Variants in PCGF5 observed in about 807,000 individuals in gnomAD.
PCGF5 encodes polycomb group ring finger 5.
Under a neutral mutation model 44.3 loss-of-function variants are expected in PCGF5, and 9 were observed. The ratio of observed to expected loss-of-function variants is 0.20; its 90% CI spans 0.12 to 0.35. The LOEUF (loss-of-function observed/expected upper bound fraction) is 0.35. Ranked by LOEUF, PCGF5 falls within the 10% of genes least tolerant of loss-of-function variation. The pLI, the probability that PCGF5 is intolerant of heterozygous loss-of-function variation, is 1.00. For synonymous variants in PCGF5, 95 were observed against 102.5 expected (o/e 0.93, Z 0.44); for missense variants, 146 against 305.3 (o/e 0.48, Z 3.89).
upstream of PCGF5, among the ~76,000 whole-genome samples, chr10:91,161,127 A>T (rs2133145478): frequency 6.6e-6 from 1 of 152,280 alleles, no homozygotes; most frequent in East Asian, 1.9e-4. Flanking sequence ...TCCAACTCCT[A>T]TTGGACAAGC....
intron 1 of PCGF5, among the ~76,000 whole-genome samples, chr10:91,189,342 G>GTGCCTA: frequency 6.6e-6 from 1 of 152,164 alleles, no homozygotes; most frequent in South Asian, 2.1e-4. Flanking sequence ...CCACTAGACA[G>GTGCCTA]TGCACTCAGC....
At chr10:91,244,931 T>C (rs538409919) in intron 3 of PCGF5, among the ~76,000 whole-genome samples, 1 of 152,072 alleles carries the variant, frequency 6.6e-6, no homozygotes, top group East Asian at 1.9e-4. Context: ...GAGAGGAAGG[T>C]AAGTGGATAT....
At chr10:91,215,512 C>T (rs1166305463), upstream of PCGF5, among the ~76,000 whole-genome samples, 2 of 152,208 alleles carry the variant, frequency 1.3e-5, no homozygotes, top group Non-Finnish European at 2.9e-5. Context: ...TGATCTAGTT[C>T]CCATAGCTGC....
In PCGF5 at chr10:91,248,677, G is replaced by A. The variant is rs766732374; in HGVS notation, c.278G>A (p.Arg93His). The A allele has an allele frequency of 2.5e-5, 41 of 1,608,934 alleles. No homozygotes were observed. The highest frequency in any genetic ancestry group is 3.4e-5 in the Admixed American group (2 of 59,528). The change falls in exon 5 of 10, where the codon CGT (arginine) becomes CAT (histidine). Residue 93 changes from arginine (R) to histidine (H), a missense_variant. This residue lies in a region of PCGF5 where 123 missense variants were observed against 268.6 expected (regional missense o/e 0.46). Transcript: ENST00000336126. ...TCTTTTAAATTAGAAGAACTTGAGC[G>A]TGAATCTGAATTTTGGAAGAAAAAT... ...VPGLREQELE[R>H]ESEFWKKNKP... is the part of the protein sequence containing the mutation.
intron 1 of PCGF5, among the ~76,000 whole-genome samples, chr10:91,213,574 C>A (rs991603629): frequency 3.9e-5 from 6 of 152,132 alleles, no homozygotes; most frequent in Admixed American, 1.3e-4. Flanking sequence ...AAGCGATTCT[C>A]CTGCCTCAGC....
At chr10:91,157,825 G>C in the PCGF5 span, among the ~76,000 whole-genome samples, 1 of 152,168 alleles carries the variant, frequency 6.6e-6, no homozygotes, top group Non-Finnish European at 1.5e-5. Context: ...TAACATTTTT[G>C]TTCCTCAATT....
chr10:91,162,683 G>A (rs889969629), upstream of PCGF5, among the ~76,000 whole-genome samples: 1 of 150,720 alleles, frequency 6.6e-6, no homozygotes, highest in Non-Finnish European at 1.5e-5. Flanking sequence ...GCCGTGGGCC[G>A]TGCCCGGCAG....
chr10:91,246,831 G>A (rs911894724), intron 3 of PCGF5, among the ~76,000 whole-genome samples: 1 of 152,100 alleles, frequency 6.6e-6, no homozygotes, highest in African/African-American at 2.4e-5. Flanking sequence ...TTTATTGGAG[G>A]AGGATAGATG....
chr10:91,251,710 G>A (rs1230057654), intron 6 of PCGF5, among the ~76,000 whole-genome samples: 1 of 151,946 alleles, frequency 6.6e-6, no homozygotes, highest in African/African-American at 2.4e-5. Flanking sequence ...AAATTCATAT[G>A]CATGGTTTCT....
At position 91,251,406 on chromosome 10, in the gene PCGF5, G is replaced by A. The variant is rs1317766789; in HGVS notation, c.440G>A (p.Arg147Gln). 2 of 1,611,264 alleles carry A rather than the reference G, an allele frequency of 1.2e-6. No individual in the cohort carries two copies. The highest frequency in any genetic ancestry group is 1.7e-6 in the Non-Finnish European group (2 of 1,178,136). The part of the protein sequence containing the change: ...PQIAICLDCL[R>Q]NNGQSGDNVV... ...ATTGCTATCTGTCTAGATTGTTTACGAAATAATGGGCAATCAGGGGACAAT... is the reference window on the plus strand; with the variant it reads ...ATTGCTATCTGTCTAGATTGTTTACAAAATAATGGGCAATCAGGGGACAAT... Residue 147 changes from arginine to glutamine, a missense_variant, in exon 6 of 10, where the codon CGA (arginine) becomes CAA (glutamine). Arg to Gln is a conservative substitution (Grantham distance 43). This residue lies in a region of PCGF5 where 123 missense variants were observed against 268.6 expected (regional missense o/e 0.46). Coordinates refer to ENST00000336126, the MANE Select transcript of PCGF5 (RefSeq NM_032373.5).
In PCGF5 at chr10:91,240,485, C is replaced by A; in HGVS notation, c.114C>A (p.Phe38Leu). The change falls in exon 3 of 10, where the codon TTC (phenylalanine) becomes TTA (leucine). Residue 38 changes from phenylalanine (F) to leucine (L), a missense_variant and splice_region_variant. Around this residue, in one of 3 missense-constraint regions of PCGF5, gnomAD observed 123 missense variants for 268.6 expected, o/e 0.46. Coordinates refer to ENST00000336126, the MANE Select transcript of PCGF5 (RefSeq NM_032373.5). ...PTTVTECLHT[F>L]CKTCIVQHFE... ...ACCTAACATCTTCTTTCTTCTTAGT[C>A]TGTAAGACTTGTATTGTTCAGCACT... The A allele has an allele frequency of 6.2e-7, 1 of 1,602,726 alleles. No homozygotes were observed. Among genetic ancestry groups the A allele is most frequent in the South Asian group, 1.1e-5 (1 of 89,340 alleles).
intron 1 of PCGF5, among the ~76,000 whole-genome samples, chr10:91,191,901 CAG>C (rs1390833499): frequency 1.3e-5 from 2 of 152,150 alleles, no homozygotes; most frequent in African/African-American, 2.4e-5. Context: ...AAAGGAATAA[CAG>C]AAATTTAATT....
chr10:91,197,104 A>C (rs543505252), intron 1 of PCGF5, among the ~76,000 whole-genome samples: 1 of 152,362 alleles, frequency 6.6e-6, no homozygotes, highest in South Asian at 2.1e-4. Flanking sequence ...CTGAGTGACA[A>C]ACTACTCCAA....
chr10:91,189,175 TCTC>T (rs1843984093), intron 1 of PCGF5, among the ~76,000 whole-genome samples: 1 of 152,232 alleles, frequency 6.6e-6, no homozygotes, highest in Non-Finnish European at 1.5e-5. Flanking sequence ...ACACATTCCT[TCTC>T]TTCTTTGCCT....
intron 9 of PCGF5, among the ~76,000 whole-genome samples, chr10:91,272,565 G>A (rs1846205334): frequency 6.6e-6 from 1 of 152,122 alleles, no homozygotes; most frequent in African/African-American, 2.4e-5. Context: ...TTGAGTCCAG[G>A]AGTTTGAGAC....
At chr10:91,237,147 CTAAT>C (rs929765318) in intron 2 of PCGF5, among the ~76,000 whole-genome samples, 2 of 152,024 alleles carry the variant, frequency 1.3e-5, no homozygotes, top group Non-Finnish European at 2.9e-5. Flanking sequence ...CAAATGCTAT[CTAAT>C]TAATAGGAAT....
At position 91,282,721 on chromosome 10, in the gene PCGF5, G is replaced by A. The variant is rs560437381; in HGVS notation, c.*4405G>A. ...TCACTAGGTAAAACTCCTTGGATAGGGTGAAAATGGATGCACACTCTATTA... is the reference window on the plus strand; with the variant it reads ...TCACTAGGTAAAACTCCTTGGATAGAGTGAAAATGGATGCACACTCTATTA... On this transcript the variant is annotated 3_prime_UTR_variant, in exon 10 of 10. Transcript: ENST00000336126. 202 of 152,462 alleles carry A rather than the reference G, an allele frequency of 1.3e-3. No homozygotes were observed. The highest frequency in any genetic ancestry group is 4.7e-3 in the African/African-American group (193 of 41,418). 9.4% of individuals were successfully genotyped at this position (152,462 alleles called of 1,614,324 possible).
chr10:91,235,008 A>C (rs770530673), intron 2 of PCGF5, among the ~76,000 whole-genome samples: 3 of 152,200 alleles, frequency 2.0e-5, no homozygotes, highest in African/African-American at 7.2e-5. Flanking sequence ...GGTGATAATA[A>C]AGTGACTTCT....
intron 1 of PCGF5, among the ~76,000 whole-genome samples, chr10:91,174,678 C>T (rs1164689138): frequency 6.6e-6 from 1 of 152,048 alleles, no homozygotes; most frequent in Non-Finnish European, 1.5e-5. Flanking sequence ...GGATAATAAA[C>T]ATTAATTGGG....
Sources: gnomAD v4.1 joint callset for allele counts (sites outside exome capture counted in the v4.1 genomes callset) on GRCh38, gnomAD v4.1.1 for gene constraint, gnomAD v4.1.1 regional missense constraint, MANE v1.5 for transcripts, NCBI Gene and HGNC (gene_info 2026-07-23, HGNC 2026-07-21) for gene names.